Variants in USP12 observed in about 807,000 individuals in gnomAD.
The protein encoded by USP12 is ubiquitin carboxyl-terminal hydrolase 12.
Under a neutral mutation model 45.5 loss-of-function variants are expected in USP12, and 19 were observed. The ratio of observed to expected loss-of-function variants is 0.42; its 90% confidence interval spans 0.29 to 0.61. The LOEUF (loss-of-function observed/expected upper bound fraction) is 0.61. Among genes scored for constraint, USP12 ranks in the 20% least tolerant of loss-of-function variants. The pLI, the probability that USP12 is intolerant of heterozygous loss-of-function variation, is 0.22. For missense variants in USP12, 242 were observed against 447.7 expected, an observed-to-expected ratio of 0.54 and a Z score of 4.15; for synonymous variants, 149 against 148.8, an observed-to-expected ratio of 1.00 and a Z score of -0.01.
intron 1 of USP12, among the ~76,000 whole-genome samples, chr13:27,123,229 T>C (rs1309838006): frequency 6.6e-6 from 1 of 152,200 alleles, no homozygotes; most frequent in African/African-American, 2.4e-5. Flanking sequence ...GTCTTGGCCA[T>C]GACATTAAAT....
chr13:27,141,492 T>A (rs999108982), intron 1 of USP12, among the ~76,000 whole-genome samples: 2 of 152,092 alleles, frequency 1.3e-5, no homozygotes, highest in Non-Finnish European at 2.9e-5. Context: ...GAAAGGAAGA[T>A]ACAAGATGAT....
At chr13:27,127,751 T>C (rs1261797862) in intron 1 of USP12, among the ~76,000 whole-genome samples, 3 of 152,192 alleles carry the variant, frequency 2.0e-5, no homozygotes, top group Admixed American at 6.5e-5. Context: ...ATATGTAACA[T>C]ATTAAACATC....
At chr13:27,120,515 G>A (rs1875935037) in intron 1 of USP12, among the ~76,000 whole-genome samples, 1 of 152,096 alleles carries the variant, frequency 6.6e-6, no homozygotes, top group East Asian at 1.9e-4. Flanking sequence ...TTAGTCAGGG[G>A]TGGTCGTGGG....
At chr13:27,100,411 T>C (rs1874811981) in intron 3 of USP12, among the ~76,000 whole-genome samples, 1 of 152,158 alleles carries the variant, frequency 6.6e-6, no homozygotes, top group Non-Finnish European at 1.5e-5. Flanking sequence ...ACCTTTGGCA[T>C]TTTCTAGTTT....
At chr13:27,136,656 G>C (rs1422427727) in intron 1 of USP12, among the ~76,000 whole-genome samples, 1 of 152,190 alleles carries the variant, frequency 6.6e-6, no homozygotes, top group East Asian at 1.9e-4. Context: ...ACTTCTAAGT[G>C]TATACCTATG....
At chr13:27,118,021 A>G (rs986955055) in intron 1 of USP12, among the ~76,000 whole-genome samples, 2 of 149,542 alleles carry the variant, frequency 1.3e-5, no homozygotes, top group African/African-American at 5.0e-5. Flanking sequence ...CTAGATAAAT[A>G]TAACTGCCGG....
intron 6 of USP12, among the ~76,000 whole-genome samples, chr13:27,084,423 T>C (rs1475337158): frequency 6.6e-6 from 1 of 150,418 alleles, no homozygotes; most frequent in Non-Finnish European, 1.5e-5. Context: ...GGAGAATCGC[T>C]TGAACCCGGG....
intron 1 of USP12, among the ~76,000 whole-genome samples, chr13:27,117,360 G>A (rs1440644727): frequency 6.6e-6 from 1 of 152,096 alleles, no homozygotes; most frequent in Non-Finnish European, 1.5e-5. Context: ...CAGTGGCCTA[G>A]GAATTCTGAA....
chr13:27,156,801 G>A (rs186695390), intron 1 of USP12, among the ~76,000 whole-genome samples: 7 of 152,132 alleles, frequency 4.6e-5, no homozygotes, highest in Admixed American at 2.6e-4. Context: ...CAGCCTGGGC[G>A]ACAGAGCAAG....
chr13:27,099,318 C>T (rs1229559187), intron 3 of USP12, among the ~76,000 whole-genome samples: 24 of 152,076 alleles, frequency 1.6e-4, no homozygotes, highest in East Asian at 1.9e-4. Context: ...ACAAAAAGTC[C>T]ACTTCCTCGC....
intron 6 of USP12, among the ~76,000 whole-genome samples, chr13:27,082,557 C>T (rs1209371450): frequency 6.6e-6 from 1 of 152,230 alleles, no homozygotes; most frequent in Non-Finnish European, 1.5e-5. Flanking sequence ...TTTCTTTGCA[C>T]TCCTAACTTG....
intron 6 of USP12, among the ~76,000 whole-genome samples, chr13:27,087,295 G>T (rs949986202): frequency 6.6e-6 from 1 of 151,320 alleles, no homozygotes; most frequent in Non-Finnish European, 1.5e-5. Context: ...GCGCACGCTC[G>T]TGTGCATGCA....
chr13:27,123,023 C>T (rs1333903242), intron 1 of USP12, among the ~76,000 whole-genome samples: 4 of 134,534 alleles, frequency 3.0e-5, no homozygotes, highest in East Asian at 2.0e-4. Context: ...ACCTGGGAGG[C>T]GGAGCTTGCA....
chr13:27,159,198 T>A (rs180948996), intron 1 of USP12, among the ~76,000 whole-genome samples: 3 of 152,304 alleles, frequency 2.0e-5, no homozygotes, highest in Admixed American at 6.5e-5. Context: ...GATATCACAT[T>A]TTTCTTTAAG....
At chr13:27,159,550 A>T (rs9512561) in intron 1 of USP12, among the ~76,000 whole-genome samples, 82,247 of 152,092 alleles carry the variant, frequency 0.54, 23,569 homozygotes, top group East Asian at 0.87. Context: ...GGGCCTTGTT[A>T]ACTTGGATGT....
intron 1 of USP12, among the ~76,000 whole-genome samples, chr13:27,137,347 G>A (rs771991216): frequency 4.6e-5 from 7 of 151,978 alleles, no homozygotes; most frequent in Admixed American, 6.6e-5. Context: ...TCTTCAATCC[G>A]CTTTATAAAA....
intron 6 of USP12, among the ~76,000 whole-genome samples, chr13:27,087,580 C>T (rs1565985150): frequency 6.6e-6 from 1 of 152,144 alleles, no homozygotes; most frequent in Non-Finnish European, 1.5e-5. Context: ...GCTCACTAAG[C>T]GGGCTCAGGA....
At chr13:27,108,401 G>GA (rs201798910) in intron 2 of USP12, among the ~76,000 whole-genome samples, 6,974 of 151,826 alleles carry the variant, frequency 0.046, 190 homozygotes, top group Middle Eastern at 0.062. Context: ...GGGGAGAGGG[G>GA]AGGGATAGCA....
At chr13:27,162,928 G>A (rs1160092521) in intron 1 of USP12, 2 of 152,122 alleles carry the variant, frequency 1.3e-5, no homozygotes, top group Non-Finnish European at 2.9e-5. Flanking sequence ...GTGTGGGTGT[G>A]TATTTATCCT....
Sources: allele counts gnomAD v4.1 joint callset (sites outside exome capture counted in the v4.1 genomes callset), GRCh38; gene constraint gnomAD v4.1.1; transcripts MANE v1.5; gene names NCBI Gene and HGNC (gene_info 2026-07-23, HGNC 2026-07-21).